The following CDH1 variants were observed in gnomAD, a reference collection of about 807,000 sequenced individuals.
CDH1 encodes the protein cadherin 1, also known as cadherin-1.
Under a neutral mutation model 84.5 loss-of-function variants are expected in CDH1, and 35 were observed. The observed-to-expected ratio is 0.41, with a 90% CI of 0.32 to 0.55. The LOEUF (loss-of-function observed/expected upper bound fraction) is 0.55, where lower values mean the gene tolerates loss of function less well. Among genes scored for constraint, CDH1 ranks in the 20% least tolerant of loss-of-function variants. CDH1 has a pLI of 0.19. For missense variants in CDH1, 994 were observed against 1,126.6 expected (o/e 0.88, Z 1.68); for synonymous variants, 417 against 439.0 (o/e 0.95, Z 0.63).
chr16:68,742,576 G>C (rs1270537594), intron 2 of CDH1: 4 of 152,620 alleles, frequency 2.6e-5, no homozygotes, highest in African/African-American at 9.7e-5. Flanking sequence ...TGGGAGACAG[G>C]GTTTCACCAT....
At position 68,762,418 on chromosome 16, in the gene CDH1, T is replaced by A. The variant is rs148461299; in HGVS notation, c.163+24007T>A. Among the ~76,000 whole-genome samples, 9 of 152,138 alleles carry A rather than the reference T, an allele frequency of 5.9e-5. No individual in the cohort carries two copies. In the East Asian group the frequency reaches 1.7e-3, roughly 29 times the overall value. On this transcript the variant is annotated intron_variant, in intron 2 of 15. Transcript: ENST00000261769. ...AGCCTGGCATGTAGTTGCCACTCAGTGAGTAGTTTGATGAGGGGCTCTTTG... is the reference window on the plus strand; with the variant it reads ...AGCCTGGCATGTAGTTGCCACTCAGAGAGTAGTTTGATGAGGGGCTCTTTG...
rs374637101 is a variant in CDH1, at chr16:68,768,862, C to T, written c.163+30451C>T. On this transcript the variant is annotated intron_variant, in intron 2 of 15. Transcript: ENST00000261769. Reference sequence around the variant, plus strand: ...CATTTTACTAAAGTAAATCGTTATCCAACACTCTCTGCCTCAGGGCCATGG... The same window carrying T: ...CATTTTACTAAAGTAAATCGTTATCTAACACTCTCTGCCTCAGGGCCATGG... Among the ~76,000 whole-genome samples the T allele has an allele frequency of 4.6e-5, 7 of 152,058 alleles. No individual in the cohort carries two copies. The East Asian group carries it at 1.2e-3, about 25-fold the overall frequency.
At chr16:68,780,077 A>G (rs528771282) in intron 2 of CDH1, among the ~76,000 whole-genome samples, 1 of 152,274 alleles carries the variant, frequency 6.6e-6, no homozygotes, top group African/African-American at 2.4e-5. Context: ...ACCACCCTGG[A>G]TTGGCTTCCA....
chr16:68,776,907 C>T (rs556564086), intron 2 of CDH1, among the ~76,000 whole-genome samples: 1 of 152,292 alleles, frequency 6.6e-6, no homozygotes, highest in South Asian at 2.1e-4. Context: ...AGAGAGGAAA[C>T]TAAGGCTTAG....
intron 2 of CDH1, among the ~76,000 whole-genome samples, chr16:68,746,810 G>T (rs551040740): frequency 6.6e-6 from 1 of 152,304 alleles, no homozygotes; most frequent in Admixed American, 6.5e-5. Flanking sequence ...CTAGCCGGGC[G>T]TGGTGGTGCA....
intron 2 of CDH1, among the ~76,000 whole-genome samples, chr16:68,738,964 T>TTTTTTAAA (rs555202424): frequency 4.6e-5 from 3 of 65,364 alleles, no homozygotes; most frequent in African/African-American, 5.7e-5. Context: ...TTTTTTTTTT[T>TTTTTTAAA]AAAGACAGGG....
At chr16:68,766,568 T>C (rs186286121) in intron 2 of CDH1, among the ~76,000 whole-genome samples, 78 of 152,306 alleles carry the variant, frequency 5.1e-4, no homozygotes, top group African/African-American at 1.9e-3. Context: ...TAGAATGTCA[T>C]GTGTGCACTC....
At chr16:68,780,112 C>G (rs1959834557) in intron 2 of CDH1, among the ~76,000 whole-genome samples, 2 of 152,292 alleles carry the variant, frequency 1.3e-5, no homozygotes, top group East Asian at 3.9e-4. Context: ...GCTTTTCCCT[C>G]TGCCTGAAAT....
chr16:68,817,854 T>A (rs1961021778), intron 10 of CDH1, among the ~76,000 whole-genome samples: 1 of 151,930 alleles, frequency 6.6e-6, no homozygotes, highest in Non-Finnish European at 1.5e-5. Context: ...GGGTGCAAGG[T>A]TGCTATAAAG....
In CDH1 at chr16:68,833,380, A is replaced by T. The variant is rs761400928; in HGVS notation, c.2530A>T (p.Ser844Cys). The change falls in exon 16 of 16, where the codon AGT (serine) becomes TGT (cysteine). Residue 844 changes from serine to cysteine, a missense_variant. Physicochemically the swap from Ser to Cys is moderately radical, Grantham distance 112 (BLOSUM62 -1). This residue lies in a region of CDH1 where 769 missense variants were observed against 881.8 expected (regional missense o/e 0.87). Transcript: ENST00000261769. The stretch of plus-strand genomic sequence containing the variant: ...TGAAGGAAGCGGTTCCGAAGCTGCT[A>T]GTCTGAGCTCCCTGAACTCCTCAGA... ...DYEGSGSEAA[S>C]LSSLNSSESD... The T allele has an allele frequency of 1.9e-6, 3 of 1,614,202 alleles. No individual in the cohort carries two copies. Among genetic ancestry groups the T allele is most frequent in the South Asian group, 1.1e-5 (1 of 91,084 alleles).
At chr16:68,747,630 A>T (rs950246221) in intron 2 of CDH1, among the ~76,000 whole-genome samples, 2 of 152,190 alleles carry the variant, frequency 1.3e-5, no homozygotes, top group African/African-American at 2.4e-5. Flanking sequence ...TGGAAATACA[A>T]GCATAGTCTT....
chr16:68,751,565 C>T (rs1477468919), intron 2 of CDH1, among the ~76,000 whole-genome samples: 1 of 151,968 alleles, frequency 6.6e-6, no homozygotes, highest in Non-Finnish European at 1.5e-5. Context: ...TGCAGTGGCG[C>T]AATCTCGGCT....
intron 2 of CDH1, among the ~76,000 whole-genome samples, chr16:68,770,448 C>T (rs1959536988): frequency 6.6e-6 from 1 of 152,146 alleles, no homozygotes; most frequent in South Asian, 2.1e-4. Flanking sequence ...CTGCCTCTGC[C>T]TTCAGGTGGG....
chr16:68,829,708 C>T lies in CDH1; in HGVS notation c.2350C>T (p.Arg784Cys), dbSNP rs775922721. ...RGLDARPEVTRNDVAPTLMSV... is the reference protein window; with the variant it reads ...RGLDARPEVTCNDVAPTLMSV... ...CCTGGACGCTCGGCCTGAAGTGACTCGTAACGACGTTGCACCAACCCTCAT... is the reference window on the plus strand; with the variant it reads ...CCTGGACGCTCGGCCTGAAGTGACTTGTAACGACGTTGCACCAACCCTCAT... The change falls in exon 15 of 16, where the codon CGT (arginine) becomes TGT (cysteine). Residue 784 changes from arginine to cysteine, a missense_variant. Arg to Cys is a radical substitution (Grantham distance 180, BLOSUM62 -3). Around this residue, in one of 3 missense-constraint regions of CDH1, gnomAD observed 769 missense variants for 881.8 expected, o/e 0.87. Coordinates refer to ENST00000261769, the MANE Select transcript of CDH1 (RefSeq NM_004360.5). 2.5e-6 allele frequency: 4 copies of T among 1,613,972 alleles called. No homozygotes were observed. The highest frequency in any genetic ancestry group is 3.4e-6 in the Non-Finnish European group (4 of 1,179,994).
At chr16:68,768,147 C>T (rs183236672) in intron 2 of CDH1, among the ~76,000 whole-genome samples, 2 of 152,064 alleles carry the variant, frequency 1.3e-5, no homozygotes, top group South Asian at 2.1e-4. Flanking sequence ...GGTTTCTCCA[C>T]GTTGATCAGG....
At chr16:68,813,193 G>C in intron 8 of CDH1, 120 bp from the exon 9 acceptor site, 1 of 1,018,436 alleles carries the variant, frequency 9.8e-7, no homozygotes, top group South Asian at 1.3e-5. Flanking sequence ...CTCCAGCCTG[G>C]TGACAGTGAG....
chr16:68,792,143 A>T (rs1214527282), intron 2 of CDH1, among the ~76,000 whole-genome samples: 1 of 150,408 alleles, frequency 6.6e-6, no homozygotes, highest in Non-Finnish European at 1.5e-5. Context: ...CTGGTCTCAA[A>T]CTCCTGACCT....
At chr16:68,753,584 T>G (rs1962941887) in intron 2 of CDH1, among the ~76,000 whole-genome samples, 1 of 151,858 alleles carries the variant, frequency 6.6e-6, no homozygotes, top group South Asian at 2.1e-4. Flanking sequence ...TGATCTGCCC[T>G]CCTCGGCCTC....
rs748413209 is a variant in CDH1 at position 68,822,122 on chromosome 16, C to T, written c.1833C>T (p.Val611=). 2.5e-6 allele frequency: 4 copies of T among 1,614,034 alleles called. No homozygotes were observed. Among genetic ancestry groups the T allele is most frequent in the Non-Finnish European group, 3.4e-6 (4 of 1,180,008 alleles). ...GTGAGAGGAATCCAAAGCCTCAGGT[C>T]ATAAACATCATTGATGCAGACCTTC... ...FFCERNPKPQ[V]INIIDADLPP... Residue 611 remains valine (V), a synonymous_variant, in exon 12 of 16, where the codon GTC becomes GTT. Coordinates refer to ENST00000261769, the MANE Select transcript of CDH1 (RefSeq NM_004360.5).
Sources: gnomAD v4.1 joint callset for allele counts (sites outside exome capture counted in the v4.1 genomes callset) on GRCh38, gnomAD v4.1.1 for gene constraint, gnomAD v4.1.1 regional missense constraint, MANE v1.5 for transcripts, NCBI Gene and HGNC (gene_info 2026-07-23, HGNC 2026-07-21) for gene names.